Variants in NKAIN3 observed in about 807,000 individuals in gnomAD.
NKAIN3 encodes sodium/potassium-transporting ATPase subunit beta-1-interacting protein 3.
In NKAIN3, 25 loss-of-function variants were observed where a neutral mutation model predicts 30.2. That is an observed-to-expected ratio of 0.83 (90% confidence interval 0.60 to 1.16). The LOEUF (loss-of-function observed/expected upper bound fraction) is 1.16. Among genes scored for constraint, NKAIN3 ranks in the 50% most tolerant of loss-of-function variants. The pLI, the probability that NKAIN3 is intolerant of heterozygous loss-of-function variation, is 0.00. For missense variants in NKAIN3, 225 were observed against 254.1 expected (o/e 0.89, Z 0.78); for synonymous variants, 91 against 89.6 (o/e 1.02, Z -0.09).
At chr8:62,938,725 C>T (rs1395239373) in intron 5 of NKAIN3, among the ~76,000 whole-genome samples, 1 of 152,130 alleles carries the variant, frequency 6.6e-6, no homozygotes, top group Non-Finnish European at 1.5e-5. Flanking sequence ...AAGGCAGCAC[C>T]CCATGAAACA....
chr8:62,466,480 A>G (rs963599431), intron 1 of NKAIN3, among the ~76,000 whole-genome samples: 3 of 152,192 alleles, frequency 2.0e-5, no homozygotes, highest in African/African-American at 7.2e-5. Flanking sequence ...CAAATGAGCC[A>G]TATGCATCTG....
chr8:62,676,791 G>T (rs1283851411), intron 3 of NKAIN3, among the ~76,000 whole-genome samples: 1 of 148,110 alleles, frequency 6.8e-6, no homozygotes, highest in South Asian at 2.1e-4. Context: ...ATGGCTCACT[G>T]TAGCCTCCGA....
At chr8:62,778,431 A>G (rs568468104) in intron 4 of NKAIN3, among the ~76,000 whole-genome samples, 1 of 151,976 alleles carries the variant, frequency 6.6e-6, no homozygotes, top group Non-Finnish European at 1.5e-5. Context: ...AGTTCTTACC[A>G]TTCTTCTCTC....
chr8:62,623,337 CA>C (rs1335701571), intron 3 of NKAIN3, among the ~76,000 whole-genome samples: 9 of 152,052 alleles, frequency 5.9e-5, no homozygotes, highest in African/African-American at 2.2e-4. Context: ...ATATAACCAC[CA>C]TAGCATTTTC....
chr8:62,994,724 T>A (rs2130936131), intron 5 of NKAIN3, among the ~76,000 whole-genome samples: 1 of 152,348 alleles, frequency 6.6e-6, no homozygotes, highest in African/African-American at 2.4e-5. Context: ...AAGAGAAATG[T>A]AACCTACATT....
intron 1 of NKAIN3, among the ~76,000 whole-genome samples, chr8:62,504,545 A>C (rs1291169992): frequency 3.3e-5 from 5 of 151,980 alleles, no homozygotes; most frequent in Non-Finnish European, 7.4e-5. Flanking sequence ...CATAGAGTCC[A>C]CCCTTAGCTG....
intron 4 of NKAIN3, among the ~76,000 whole-genome samples, chr8:62,915,857 T>A (rs934977437): frequency 6.6e-6 from 1 of 152,110 alleles, no homozygotes; most frequent in African/African-American, 2.4e-5. Flanking sequence ...CTCATATAAA[T>A]TAATGAAAGC....
chr8:62,883,794 C>G (rs527765196), intron 4 of NKAIN3, among the ~76,000 whole-genome samples: 1 of 151,708 alleles, frequency 6.6e-6, no homozygotes, highest in South Asian at 2.1e-4. Flanking sequence ...ATTTAAATTG[C>G]TCTTCTTTTT....
chr8:62,660,573 A>T (rs1168613672), intron 3 of NKAIN3, among the ~76,000 whole-genome samples: 2 of 152,152 alleles, frequency 1.3e-5, no homozygotes, highest in Non-Finnish European at 2.9e-5. Flanking sequence ...TGATACCAAA[A>T]CTGTTAGTGA....
intron 4 of NKAIN3, among the ~76,000 whole-genome samples, chr8:62,864,964 T>A (rs186644038): frequency 1.2e-3 from 181 of 152,236 alleles, no homozygotes; most frequent in African/African-American, 4.2e-3. Flanking sequence ...AATGGGCGAT[T>A]ATTTGTTTGA....
At chr8:62,518,900 C>T (rs956724943) in intron 1 of NKAIN3, among the ~76,000 whole-genome samples, 2 of 152,048 alleles carry the variant, frequency 1.3e-5, no homozygotes, top group Admixed American at 1.3e-4. Context: ...ATGCCTGGGT[C>T]CCAGTTTTGT....
At chr8:62,497,019 A>G (rs1254434149) in intron 1 of NKAIN3, among the ~76,000 whole-genome samples, 1 of 152,118 alleles carries the variant, frequency 6.6e-6, no homozygotes. Context: ...TTCACAATTA[A>G]GAAGGCACTG....
chr8:62,487,709 T>C (rs1040811367), intron 1 of NKAIN3, among the ~76,000 whole-genome samples: 4 of 152,180 alleles, frequency 2.6e-5, no homozygotes, highest in African/African-American at 9.6e-5. Context: ...TAGAAGGGAA[T>C]GAGTTGAAAG....
chr8:62,991,708 T>A (rs1184027493), intron 5 of NKAIN3, among the ~76,000 whole-genome samples: 1 of 152,212 alleles, frequency 6.6e-6, no homozygotes, highest in East Asian at 1.9e-4. Context: ...TTACATGAAC[T>A]GAAATATCAG....
intron 3 of NKAIN3, among the ~76,000 whole-genome samples, chr8:62,686,487 A>T (rs930135659): frequency 6.6e-6 from 1 of 152,130 alleles, no homozygotes; most frequent in Non-Finnish European, 1.5e-5. Flanking sequence ...GGGTAGAGAG[A>T]TACTCTTCAC....
chr8:62,900,207 G>A (rs1053192661), intron 4 of NKAIN3, among the ~76,000 whole-genome samples: 5 of 146,900 alleles, frequency 3.4e-5, no homozygotes, highest in Non-Finnish European at 7.4e-5. Context: ...GCATCCTGGA[G>A]CTATGTTGTT....
chr8:62,251,317 A>C (rs1812095172), intron 1 of NKAIN3, among the ~76,000 whole-genome samples: 1 of 152,116 alleles, frequency 6.6e-6, no homozygotes, highest in Non-Finnish European at 1.5e-5. Flanking sequence ...ATAGCATACA[A>C]GATAATCTTC....
intron 6 of NKAIN3, among the ~76,000 whole-genome samples, 175 bp from the exon 7 acceptor site, chr8:62,965,179 T>C (rs1563648317): frequency 6.6e-6 from 1 of 152,146 alleles, no homozygotes; most frequent in Non-Finnish European, 1.5e-5. Context: ...CCGATTACCA[T>C]GCCCTAATCT....
intron 1 of NKAIN3, among the ~76,000 whole-genome samples, chr8:62,455,133 G>A (rs1050302071): frequency 2.6e-5 from 4 of 152,210 alleles, no homozygotes; most frequent in African/African-American, 4.8e-5. Flanking sequence ...TCTGGGGGAT[G>A]TCCCTAGAGA....
Sources: allele counts gnomAD v4.1 joint callset (sites outside exome capture counted in the v4.1 genomes callset), GRCh38; gene constraint gnomAD v4.1.1; transcripts MANE v1.5; gene names NCBI Gene and HGNC (gene_info 2026-07-23, HGNC 2026-07-21).